The following PITPNM3 variants were observed in gnomAD, a reference collection of about 807,000 sequenced individuals.
PITPNM3 encodes membrane-associated phosphatidylinositol transfer protein 3.
PITPNM3 carries 26 observed loss-of-function variants against 102.0 expected under a neutral mutation model. That is an observed-to-expected ratio of 0.25 (90% confidence interval 0.19 to 0.35). PITPNM3 has a LOEUF of 0.35. PITPNM3 is among the 10% of genes least tolerant of loss of function. The pLI, the probability that PITPNM3 is intolerant of heterozygous loss-of-function variation, is 1.00. For synonymous variants in PITPNM3, 578 were observed against 558.6 expected (o/e 1.03, Z -0.49); for missense variants, 1,083 against 1,346.1 (o/e 0.80, Z 3.06).
At chr17:6,552,636 A>G (rs1329648475) in intron 1 of PITPNM3, among the ~76,000 whole-genome samples, 1 of 150,308 alleles carries the variant, frequency 6.7e-6, no homozygotes, top group Admixed American at 6.6e-5. Context: ...CTTCCTACCC[A>G]CCTTCCACCC....
At chr17:6,484,947 C>T (rs1597376958) in intron 4 of PITPNM3, among the ~76,000 whole-genome samples, 1 of 152,236 alleles carries the variant, frequency 6.6e-6, no homozygotes, top group African/African-American at 2.4e-5. Context: ...CACATCAGCA[C>T]TCCCGCTTCT....
intron 17 of PITPNM3, among the ~76,000 whole-genome samples, chr17:6,462,959 A>G (rs1441942182): frequency 6.6e-6 from 1 of 152,096 alleles, no homozygotes; most frequent in Non-Finnish European, 1.5e-5. Context: ...AGGAAGGACC[A>G]CAGCCTCCCC....
Position 6,469,480 on chromosome 17 carries a change from G to C in PITPNM3, c.1773+780C>G, listed in dbSNP as rs1420735657. ...CCTGCCCAGCCCTGCTCTTCCGCAC[G>C]TGCAGGACACAGAACCACCTTAGTC... On this transcript the variant is annotated intron_variant, in intron 13 of 19. Coordinates refer to ENST00000262483, the MANE Select transcript of PITPNM3 (RefSeq NM_031220.4). The surrounding 1 kb of genome is among the most constrained non-coding windows in gnomAD (Gnocchi z 4.0). Among the ~76,000 whole-genome samples the C allele has an allele frequency of 6.7e-6, 1 of 150,242 alleles. No individual in the cohort carries two copies. The highest frequency in any genetic ancestry group is 2.5e-5 in the African/African-American group (1 of 40,662).
intron 1 of PITPNM3, among the ~76,000 whole-genome samples, chr17:6,553,722 C>A (rs932993277): frequency 3.3e-5 from 5 of 152,144 alleles, no homozygotes; most frequent in African/African-American, 1.2e-4. Flanking sequence ...CCTTCAGCAG[C>A]CCTTTGTTCC....
intron 3 of PITPNM3, among the ~76,000 whole-genome samples, chr17:6,504,927 C>A (rs1907397680): frequency 6.6e-6 from 1 of 152,108 alleles, no homozygotes; most frequent in East Asian, 1.9e-4. Flanking sequence ...GTAATCCCAG[C>A]ACTTTGGGAG....
At position 6,469,108 on chromosome 17, in the gene PITPNM3, G is replaced by A. The variant is rs1416965198; in HGVS notation, c.1774-767C>T. 6.6e-6 allele frequency among the ~76,000 whole-genome samples: 1 copy of A among 152,064 alleles called. No individual in the cohort carries two copies. The highest frequency in any genetic ancestry group is 2.4e-5 in the African/African-American group (1 of 41,388). ...CAGTGGCTTCTCCTTCTCTCCCTGG[G>A]GGAGCTCCAGGACTCATCCCTGAAC... On this transcript the variant is annotated intron_variant, in intron 13 of 19. Coordinates refer to ENST00000262483, the MANE Select transcript of PITPNM3 (RefSeq NM_031220.4). This position sits in a 1 kb window ranked among gnomAD's most constrained non-coding sequence, Gnocchi z 4.0.
Position 6,525,387 on chromosome 17 carries a change from G to C in PITPNM3, c.195C>G (p.Ile65Met). The C allele has an allele frequency of 1.2e-6, 2 of 1,614,136 alleles. No individual in the cohort carries two copies. The highest frequency in any genetic ancestry group is 1.7e-6 in the Non-Finnish European group (2 of 1,180,020). Residue 65 changes from isoleucine to methionine, a missense_variant, in exon 3 of 20, where the codon ATC becomes ATG. By Grantham distance (10) the Ile-to-Met change is conservative. Transcript: ENST00000262483. ...GCTCGTCCAGTTTCCCCATGGTCTC[G>C]ATCTGCTCCACGAGGTCATTGGAGT... Reference protein sequence around the residue: ...QWNSNDLVEQIETMGKLDEHQ... With the variant: ...QWNSNDLVEQMETMGKLDEHQ...
rs577083302 is a variant in PITPNM3 at position 6,475,555 on chromosome 17, G to A, written c.1086-951C>T. Among the ~76,000 whole-genome samples, 12 of 152,300 alleles carry A rather than the reference G, an allele frequency of 7.9e-5. No individual in the cohort carries two copies. In the South Asian group the frequency reaches 1.9e-3, roughly 24 times the overall value. On this transcript the variant is annotated intron_variant, in intron 9 of 19. Transcript: ENST00000262483. ...CTGCAAAGTTGAATCCTCAGTCTCC[G>A]CACTCCCTCCTGCCTCTTGCAGTGT...
rs551235077 is a variant in PITPNM3 at position 6,490,772 on chromosome 17, C to T, written c.275-6480G>A. On this transcript the variant is annotated intron_variant, in intron 4 of 19. Coordinates refer to ENST00000262483, the MANE Select transcript of PITPNM3 (RefSeq NM_031220.4). ...GGAGTTCGAGACCAGCCCGGCCAACCTGGTGAAACCCTGTCTACTAAAAAT... is the reference window on the plus strand; with the variant it reads ...GGAGTTCGAGACCAGCCCGGCCAACTTGGTGAAACCCTGTCTACTAAAAAT... Among the ~76,000 whole-genome samples, 263 of 151,292 alleles carry T rather than the reference C, an allele frequency of 1.7e-3. 1 individual carries two copies. Among genetic ancestry groups the T allele is most frequent in the African/African-American group, 5.8e-3 (238 of 41,170 alleles).
chr17:6,503,227 C>G (rs1031099149), intron 4 of PITPNM3, among the ~76,000 whole-genome samples: 1 of 152,188 alleles, frequency 6.6e-6, no homozygotes, highest in Non-Finnish European at 1.5e-5. Flanking sequence ...CTCACACTCC[C>G]AACCCACCAG....
rs1271318433 is a variant in PITPNM3 at position 6,556,458 on chromosome 17, G to C, written c.-52C>G. On this transcript the variant is annotated 5_prime_UTR_variant, in exon 1 of 20. Coordinates refer to ENST00000262483, the MANE Select transcript of PITPNM3 (RefSeq NM_031220.4). This position sits in a 1 kb window ranked among gnomAD's most constrained non-coding sequence, Gnocchi z 5.2. ...CTACGCGCGCTCCTCGCGCTTCCCGGGCCCGGCCCCGACCGCCTCCGGCCC... is the reference window on the plus strand; with the variant it reads ...CTACGCGCGCTCCTCGCGCTTCCCGCGCCCGGCCCCGACCGCCTCCGGCCC... 8.6e-7 allele frequency: 1 copy of C among 1,162,858 alleles called. No individual in the cohort carries two copies. Among genetic ancestry groups the C allele is most frequent in the Non-Finnish European group, 1.1e-6 (1 of 947,336 alleles). 72.0% of individuals were successfully genotyped at this position (1,162,858 alleles called of 1,614,324 possible).
chr17:6,551,646 A>C (rs1910305828), intron 1 of PITPNM3, among the ~76,000 whole-genome samples: 1 of 152,182 alleles, frequency 6.6e-6, no homozygotes, highest in Non-Finnish European at 1.5e-5. Flanking sequence ...AAGCCAAAGC[A>C]GGAAGGATTA....
At chr17:6,490,976 A>T (rs1190236957) in intron 4 of PITPNM3, among the ~76,000 whole-genome samples, 1 of 122,498 alleles carries the variant, frequency 8.2e-6, no homozygotes, top group African/African-American at 3.1e-5. Flanking sequence ...AAAAAAAAAG[A>T]AAGAAAGGGA....
chr17:6,532,105 T>TA (rs780964428), intron 2 of PITPNM3, among the ~76,000 whole-genome samples: 138 of 135,472 alleles, frequency 1.0e-3, no homozygotes, highest in South Asian at 3.8e-3. Flanking sequence ...AAACTCCGTC[T>TA]AAAAAAAAAA....
At position 6,538,097 on chromosome 17, in the gene PITPNM3, A is replaced by C; in HGVS notation, c.23-15T>G. The C allele has an allele frequency of 6.4e-7, 1 of 1,571,818 alleles. No individual in the cohort carries two copies. The highest frequency in any genetic ancestry group is 8.8e-7 in the Non-Finnish European group (1 of 1,141,882). ...GGGAGGACCACCTGTTAAAGGGAACACATCTGTTAACCAAGCCTGAGATGT... is the reference window on the plus strand; with the variant it reads ...GGGAGGACCACCTGTTAAAGGGAACCCATCTGTTAACCAAGCCTGAGATGT... On this transcript the variant is annotated splice_polypyrimidine_tract_variant and intron_variant, in intron 1 of 19. Coordinates refer to ENST00000262483, the MANE Select transcript of PITPNM3 (RefSeq NM_031220.4).
chr17:6,472,855 G>C lies in PITPNM3; in HGVS notation c.1259-28C>G, dbSNP rs371330870. 3.6e-5 allele frequency: 58 copies of C among 1,612,738 alleles called. 3 individuals carry two copies. In the East Asian group the frequency reaches 1.3e-3, roughly 35 times the overall value. On this transcript the variant is annotated intron_variant, in intron 10 of 19. Coordinates refer to ENST00000262483, the MANE Select transcript of PITPNM3 (RefSeq NM_031220.4). The surrounding 1 kb of genome is among the most constrained non-coding windows in gnomAD (Gnocchi z 4.1). ...GGGGTGAGTGGGAAGACAGAGGGAA[G>C]CCACTTTCTAGTACCTGCTCCCTGG...
chr17:6,526,971 T>G (rs374016443), intron 2 of PITPNM3, among the ~76,000 whole-genome samples: 5 of 152,324 alleles, frequency 3.3e-5, no homozygotes, highest in African/African-American at 1.2e-4. Context: ...CTGAGCCCAG[T>G]GTGTTCCATC....
rs55839764 is a variant in PITPNM3 at position 6,505,195 on chromosome 17, A to AATATATATATATATATATAT, written c.227-1641_227-1622dup. On this transcript the variant is annotated intron_variant, in intron 3 of 19. Transcript: ENST00000262483. ...CGTCTCCAAAAAAGAAGACAAATAA[A>AATATATATATATATATATAT]ATATATATATATATATATATGTAAA... Among the ~76,000 whole-genome samples the AATATATATATATATATATAT allele has an allele frequency of 3.8e-3, 519 of 136,192 alleles. 5 individuals carry two copies. The highest frequency in any genetic ancestry group is 0.02 in the East Asian group (96 of 4,754). 89.3% of individuals were successfully genotyped at this position (136,192 alleles called of 152,430 possible). A position where few individuals can be genotyped will look rare whatever the true frequency, so the allele number is the denominator to read the frequency against.
At chr17:6,509,385 G>A (rs548821856) in intron 3 of PITPNM3, among the ~76,000 whole-genome samples, 8 of 152,300 alleles carry the variant, frequency 5.3e-5, no homozygotes, top group Admixed American at 3.9e-4. Flanking sequence ...TGGTGGCTGC[G>A]GAGAGAGTGA....
Sources: allele counts gnomAD v4.1 joint callset (sites outside exome capture counted in the v4.1 genomes callset), GRCh38; gene constraint gnomAD v4.1.1; non-coding constraint Gnocchi (gnomAD v3.1); transcripts MANE v1.5; gene names NCBI Gene and HGNC (gene_info 2026-07-23, HGNC 2026-07-21).